DBX1: variants seen among roughly 807,000 people sequenced by gnomAD.
DBX1 encodes the protein developing brain homeobox 1.
A neutral mutation model predicts 20.8 loss-of-function variants in DBX1; 10 were observed. The ratio of observed to expected loss-of-function variants is 0.48; its 90% CI spans 0.30 to 0.82. DBX1 has a LOEUF of 0.82. Among genes scored for constraint, DBX1 ranks in the 40% least tolerant of loss-of-function variants. The probability of loss-of-function intolerance (pLI) is 0.07; values close to 1 mark genes in which losing one functional copy is unlikely to be tolerated. For missense variants in DBX1, 505 were observed against 468.8 expected (o/e 1.08, Z -0.71); for synonymous variants, 241 against 213.9 (o/e 1.13, Z -1.11).
At position 20,156,169 on chromosome 11, in the gene DBX1, G is replaced by C. The variant is rs752393134; in HGVS notation, c.*45C>G. 1 of 1,509,038 alleles carries C rather than the reference G, an allele frequency of 6.6e-7. No homozygotes were observed. The highest frequency in any genetic ancestry group is 8.9e-7 in the Non-Finnish European group (1 of 1,129,094). 93.5% of individuals were successfully genotyped at this position (1,509,038 alleles called of 1,614,324 possible). On this transcript the variant is annotated 3_prime_UTR_variant, in exon 4 of 4. Coordinates refer to ENST00000524983, the MANE Select transcript of DBX1 (RefSeq NM_001029865.4). This position sits in a 1 kb window ranked among gnomAD's most constrained non-coding sequence, Gnocchi z 4.8. Reference sequence around the variant, plus strand: ...TGCGCAGACTGGACCCCACCTCTTCGATTTCAAAGCACTTAAAAATAGTAC... The same window carrying C: ...TGCGCAGACTGGACCCCACCTCTTCCATTTCAAAGCACTTAAAAATAGTAC...
rs2063664103 is a variant in DBX1 at position 20,157,182 on chromosome 11, C to G, written c.527G>C (p.Gly176Ala). The G allele has an allele frequency of 6.2e-7, 1 of 1,604,500 alleles. No individual in the cohort carries two copies. ...GTFSWPLAAR[G>A]KPRRGMLRRA... ...ACGCAGCATGCCCCGCCGAGGCTTC[C>G]CGCGCGCGGCCAGCGGCCAGGAGAA... Residue 176 changes from glycine to alanine, a missense_variant, in exon 3 of 4, where the codon GGG (glycine) becomes GCG (alanine). Coordinates refer to ENST00000524983, the MANE Select transcript of DBX1 (RefSeq NM_001029865.4).
Position 20,160,392 on chromosome 11 carries a change from C to T in DBX1, c.-68G>A. ...GAGGGTAAACGCCTCGCTTCCCGCC[C>T]CTCCCGCCCCCACAGTGTCCTCTCT... On this transcript the variant is annotated 5_prime_UTR_variant, in exon 1 of 4. Coordinates refer to ENST00000524983, the MANE Select transcript of DBX1 (RefSeq NM_001029865.4). 2.1e-6 allele frequency: 3 copies of T among 1,441,622 alleles called. No individual in the cohort carries two copies. Among genetic ancestry groups the T allele is most frequent in the East Asian group, 2.5e-5 (1 of 39,340 alleles). 89.3% of individuals were successfully genotyped at this position (1,441,622 alleles called of 1,614,324 possible).
At position 20,160,191 on chromosome 11, in the gene DBX1, A is replaced by G. The variant is rs1035974405; in HGVS notation, c.134T>C (p.Ile45Thr). Residue 45 changes from isoleucine (I) to threonine (T), a missense_variant, in exon 1 of 4, where the codon ATC becomes ACC. By Grantham distance (89) the Ile-to-Thr change is moderately conservative (BLOSUM62 -1). Transcript: ENST00000524983. ...GHSSFLVEDL[I>T]RISRPPAYLP... ...GTAGGCGGGGGGTCGGCTGATGCGG[A>G]TCAGATCCTCCACCAGGAAGCTGGA... The G allele has an allele frequency of 6.5e-7, 1 of 1,547,802 alleles. No homozygotes were observed. Among genetic ancestry groups the G allele is most frequent in the Non-Finnish European group, 8.7e-7 (1 of 1,146,612 alleles).
Position 20,156,746 on chromosome 11 carries a change from G to A in DBX1, c.673-173C>T, listed in dbSNP as rs994493533. On this transcript the variant is annotated intron_variant, in intron 3 of 3. Coordinates refer to ENST00000524983, the MANE Select transcript of DBX1 (RefSeq NM_001029865.4). This position sits in a 1 kb window ranked among gnomAD's most constrained non-coding sequence, Gnocchi z 4.8. ...GGATTCCCGCATTGACTCCGCCCCC[G>A]CCTCAGCTCGCGGTTCCGTTTGCCT... 5.6e-6 allele frequency: 6 copies of A among 1,072,088 alleles called. No individual in the cohort carries two copies. In the African/African-American group the frequency reaches 7.8e-5, roughly 14 times the overall value. The allele number at this position is 1,072,088 out of a possible 1,614,324, so 66.4% of individuals were successfully genotyped here.
In DBX1 at chr11:20,156,901, A is replaced by T; in HGVS notation, c.672+136T>A. On this transcript the variant is annotated intron_variant, in intron 3 of 3. Transcript: ENST00000524983. This position sits in a 1 kb window ranked among gnomAD's most constrained non-coding sequence, Gnocchi z 4.8. Reference sequence around the variant, plus strand: ...TTCGAGGGTAGTGGCCCGTGTACTCACTCCCTCTCTAGGCCTCGGTTTTCC... The same window carrying T: ...TTCGAGGGTAGTGGCCCGTGTACTCTCTCCCTCTCTAGGCCTCGGTTTTCC... 1.1e-6 allele frequency: 1 copy of T among 873,010 alleles called. No homozygotes were observed. The highest frequency in any genetic ancestry group is 2.2e-5 in the Admixed American group (1 of 45,006). 54.1% of individuals were successfully genotyped at this position (873,010 alleles called of 1,614,324 possible). A position where few individuals can be genotyped will look rare whatever the true frequency, so the allele number is the denominator to read the frequency against.
Position 20,157,266 on chromosome 11 carries a change from G to A in DBX1, c.470-27C>T, listed in dbSNP as rs781386086. On this transcript the variant is annotated intron_variant, in intron 2 of 3. Transcript: ENST00000524983. ...TGCAGGGTGGGGGGAGGTGGCGAGT[G>A]AGTGGGCGTACGCCCCCCAGTCCCA... is the stretch of plus-strand genomic sequence containing the variant. The A allele has an allele frequency of 3.3e-6, 5 of 1,535,478 alleles. No homozygotes were observed. The African/African-American group carries it at 6.8e-5, about 21-fold the overall frequency.
chr11:20,160,090 C>T lies in DBX1; in HGVS notation c.235G>A (p.Ala79Thr), dbSNP rs752648547. 7 of 1,560,632 alleles carry T rather than the reference C, an allele frequency of 4.5e-6. No homozygotes were observed. The Middle Eastern group carries it at 6.7e-4, about 149-fold the overall frequency. The change falls in exon 1 of 4, where the codon GCC becomes ACC. Residue 79 changes from alanine to threonine, a missense_variant. By Grantham distance (58) the Ala-to-Thr change is moderately conservative (BLOSUM62 0). Transcript: ENST00000524983. ...GGACCCGGGGAGCCCAGGTCCGAGG[C>T]CCCCGTGTCGGTGAGGGCCGTGGGG... The part of the protein sequence containing the change: ...GAPTALTDTG[A>T]SDLGSPGPGS...
Position 20,157,229 on chromosome 11 carries a change from G to C in DBX1, c.480C>G (p.Ser160Arg). The change falls in exon 3 of 4, where the codon AGC becomes AGG. Residue 160 changes from serine (S) to arginine (R), a missense_variant. Ser to Arg is a moderately radical substitution (Grantham distance 110). Coordinates refer to ENST00000524983, the MANE Select transcript of DBX1 (RefSeq NM_001029865.4). ...AGAAGGTCCCGGGGATGGGCACCAC[G>C]CTGGAGGAAGCTGCAGGGTGGGGGG... is the stretch of plus-strand genomic sequence containing the variant. ...IRSSYFPASSSVVPIPGTFSW... is the reference protein window; with the variant it reads ...IRSSYFPASSRVVPIPGTFSW... 1 of 1,567,886 alleles carries C rather than the reference G, an allele frequency of 6.4e-7. No individual in the cohort carries two copies. Among genetic ancestry groups the C allele is most frequent in the Non-Finnish European group, 8.6e-7 (1 of 1,159,496 alleles).
At position 20,156,661 on chromosome 11, in the gene DBX1, G is replaced by T. The variant is rs1252261401; in HGVS notation, c.673-88C>A. ...ACGCACGGGGGCGGGGAGTGGAGTC[G>T]GGTGCAGGCTCTGTCCTTCGGGCTG... On this transcript the variant is annotated intron_variant, in intron 3 of 3. Transcript: ENST00000524983. The surrounding 1 kb of genome is among the most constrained non-coding windows in gnomAD (Gnocchi z 4.8). The T allele has an allele frequency of 6.3e-7, 1 of 1,578,486 alleles. No individual in the cohort carries two copies.
chr11:20,157,104 T>C lies in DBX1; in HGVS notation c.605A>G (p.Lys202Arg). 1 of 1,613,970 alleles carries C rather than the reference T, an allele frequency of 6.2e-7. No individual in the cohort carries two copies. Among genetic ancestry groups the C allele is most frequent in the Non-Finnish European group, 8.5e-7 (1 of 1,179,992 alleles). The change falls in exon 3 of 4, where the codon AAG becomes AGG. Residue 202 changes from lysine (K) to arginine (R), a missense_variant. Coordinates refer to ENST00000524983, the MANE Select transcript of DBX1 (RefSeq NM_001029865.4). ...GTCGGGCTTGCTGATGTACTTCTGCTTCTGGAACATCTTCTCCAGCGCCTT... is the reference window on the plus strand; with the variant it reads ...GTCGGGCTTGCTGATGTACTTCTGCCTCTGGAACATCTTCTCCAGCGCCTT... The part of the protein sequence containing the change: ...QRKALEKMFQ[K>R]QKYISKPDRK...
chr11:20,159,165 G>A (rs2063675458), intron 2 of DBX1, 26 bp downstream of exon 2: 1 of 1,549,930 alleles, frequency 6.5e-7, no homozygotes, highest in African/African-American at 1.4e-5. Flanking sequence ...GCCCTGCCTC[G>A]CGCAAAGAAG....
intron 1 of DBX1, 101 bp from the exon 2 acceptor site, chr11:20,159,393 A>G (rs774669055): frequency 4.0e-6 from 3 of 757,798 alleles, no homozygotes; most frequent in Non-Finnish European, 6.9e-6. Flanking sequence ...CGATATAATT[A>G]GCCCTTCATC....
intron 1 of DBX1, 110 bp downstream of exon 1, chr11:20,159,847 GT>G: frequency 1.4e-6 from 2 of 1,451,594 alleles, no homozygotes; most frequent in Non-Finnish European, 1.9e-6. Flanking sequence ...TGCGTATTGT[GT>G]GTGCACCGAT....
In DBX1 at chr11:20,156,512, A is replaced by G. The variant is rs777874194; in HGVS notation, c.734T>C (p.Leu245Pro). ...CTGCTCGCGACAGCCCCCGCTAGACAGGAGTTCGCGCTCCTTGGAGTTCCG... is the reference window on the plus strand; with the variant it reads ...CTGCTCGCGACAGCCCCCGCTAGACGGGAGTTCGCGCTCCTTGGAGTTCCG... ...KWRNSKEREL[L>P]SSGGCREQTL... The change falls in exon 4 of 4, where the codon CTG (leucine) becomes CCG (proline). Residue 245 changes from leucine (L) to proline (P), a missense_variant. Leu to Pro is a moderately conservative substitution (Grantham distance 98, BLOSUM62 -3). Transcript: ENST00000524983. The surrounding 1 kb of genome is among the most constrained non-coding windows in gnomAD (Gnocchi z 4.8). 1.2e-6 allele frequency: 2 copies of G among 1,614,004 alleles called. No individual in the cohort carries two copies. Among genetic ancestry groups the G allele is most frequent in the Middle Eastern group, 1.6e-4 (1 of 6,062 alleles).
At position 20,156,939 on chromosome 11, in the gene DBX1, G is replaced by T; in HGVS notation, c.672+98C>A. 1 of 1,280,112 alleles carries T rather than the reference G, an allele frequency of 7.8e-7. No homozygotes were observed. The allele number at this position is 1,280,112 out of a possible 1,614,324, so 79.3% of individuals were successfully genotyped here. On this transcript the variant is annotated intron_variant, in intron 3 of 3. Coordinates refer to ENST00000524983, the MANE Select transcript of DBX1 (RefSeq NM_001029865.4). This position sits in a 1 kb window ranked among gnomAD's most constrained non-coding sequence, Gnocchi z 4.8. Reference sequence around the variant, plus strand: ...GCCTCGGTTTTCCCATCTGTACAGTGGGACCTAAGCCGTTTCCGAACCCTT... The same window carrying T: ...GCCTCGGTTTTCCCATCTGTACAGTTGGACCTAAGCCGTTTCCGAACCCTT...
chr11:20,160,438 C>T lies in DBX1; in HGVS notation c.-114G>A. 1 of 1,332,300 alleles carries T rather than the reference C, an allele frequency of 7.5e-7. No homozygotes were observed. Among genetic ancestry groups the T allele is most frequent in the South Asian group, 1.7e-5 (1 of 59,510 alleles). 82.5% of individuals were successfully genotyped at this position (1,332,300 alleles called of 1,614,324 possible). On this transcript the variant is annotated 5_prime_UTR_variant, in exon 1 of 4. Coordinates refer to ENST00000524983, the MANE Select transcript of DBX1 (RefSeq NM_001029865.4). ...TCTCTCTTGGGCTTAGCAAACGTCT[C>T]CAAGTAACAATCCCACTTGGGCGTC...
chr11:20,158,855 A>G (rs1205127394), intron 2 of DBX1, among the ~76,000 whole-genome samples: 2 of 152,110 alleles, frequency 1.3e-5, no homozygotes, highest in Non-Finnish European at 1.5e-5. Flanking sequence ...TTTGTGGGGA[A>G]TCGTGGCCAA....
Position 20,160,368 on chromosome 11 carries a change from A to C in DBX1, c.-44T>G. The C allele has an allele frequency of 6.8e-7, 1 of 1,462,756 alleles. No homozygotes were observed. Among genetic ancestry groups the C allele is most frequent in the Non-Finnish European group, 9.0e-7 (1 of 1,109,544 alleles). The allele number at this position is 1,462,756 out of a possible 1,614,324, so 90.6% of individuals were successfully genotyped here. A position where few individuals can be genotyped will look rare whatever the true frequency, so the allele number is the denominator to read the frequency against. ...AAATAACCCTTCTTTCAGTGGCCGG[A>C]GGGTAAACGCCTCGCTTCCCGCCCC... On this transcript the variant is annotated 5_prime_UTR_variant, in exon 1 of 4. Coordinates refer to ENST00000524983, the MANE Select transcript of DBX1 (RefSeq NM_001029865.4).
chr11:20,160,252 G>A lies in DBX1; in HGVS notation c.73C>T (p.Leu25=), dbSNP rs1394820538. 3 of 1,543,582 alleles carry A rather than the reference G, an allele frequency of 1.9e-6. No homozygotes were observed. Among genetic ancestry groups the A allele is most frequent in the South Asian group, 2.4e-5 (2 of 83,890 alleles). The change falls in exon 1 of 4, where the codon CTG becomes TTG. Residue 25 remains leucine, a synonymous_variant. Transcript: ENST00000524983. The part of the protein sequence containing the change: ...SLLRPTPTLT[L]PQSLQSAFSG... ...AATGCCGACTGCAAGGACTGGGGCA[G>A]CGTCAAGGTGGGCGTGGGCCGCAGG...
Sources: allele counts gnomAD v4.1 joint callset (sites outside exome capture counted in the v4.1 genomes callset), GRCh38; gene constraint gnomAD v4.1.1; non-coding constraint Gnocchi (gnomAD v3.1); transcripts MANE v1.5; gene names NCBI Gene and HGNC (gene_info 2026-07-23, HGNC 2026-07-21).